The following HDAC4 variants were observed in gnomAD, a reference collection of about 807,000 sequenced individuals.
HDAC4 encodes the protein histone deacetylase A.
HDAC4 carries 16 observed loss-of-function variants against 135.1 expected under a neutral mutation model. The ratio of observed to expected loss-of-function variants is 0.12; its 90% confidence interval spans 0.08 to 0.18. HDAC4 has a LOEUF of 0.18. Among genes scored for constraint, HDAC4 ranks in the 10% least tolerant of loss-of-function variants. The pLI is 1.00. For synonymous variants in HDAC4, 685 were observed against 653.4 expected, an observed-to-expected ratio of 1.05 and a Z score of -0.74; for missense variants, 1,143 against 1,511.8, an observed-to-expected ratio of 0.76 and a Z score of 4.05.
In HDAC4 at chr2:239,349,849, T is replaced by C. The variant is rs962911409; in HGVS notation, c.22+2829A>G. Among the ~76,000 whole-genome samples, 2 of 152,196 alleles carry C rather than the reference T, an allele frequency of 1.3e-5. No individual in the cohort carries two copies. The highest frequency in any genetic ancestry group is 4.8e-5 in the African/African-American group (2 of 41,444). On this transcript the variant is annotated intron_variant, in intron 2 of 26. Coordinates refer to ENST00000543185, the MANE Select transcript of HDAC4 (RefSeq NM_001378414.1). The surrounding 1 kb of genome is among the most constrained non-coding windows in gnomAD (Gnocchi z 5.7). ...CCCTGCACAGATGGAGAGCAGAGAA[T>C]GGGCTGGGCCAAGGGGCAGCCCTGC... is the stretch of plus-strand genomic sequence containing the variant.
At chr2:239,173,828 G>C (rs889571361) in intron 5 of HDAC4, among the ~76,000 whole-genome samples, 1 of 152,068 alleles carries the variant, frequency 6.6e-6, no homozygotes, top group Admixed American at 6.5e-5. Context: ...CAAAGTCAAT[G>C]GTCAAAAACT....
chr2:239,287,963 T>C (rs112259646), intron 2 of HDAC4, among the ~76,000 whole-genome samples: 4 of 151,732 alleles, frequency 2.6e-5, no homozygotes, highest in African/African-American at 9.7e-5. Flanking sequence ...AGTTAAAACA[T>C]CAAACCACCA....
At chr2:239,105,301 G>C (rs558169835) in intron 15 of HDAC4, among the ~76,000 whole-genome samples, 59 of 152,324 alleles carry the variant, frequency 3.9e-4, no homozygotes, top group Non-Finnish European at 7.2e-4. Context: ...CCTGGACACC[G>C]TGCCTGGAGG....
chr2:239,194,644 A>G (rs1202538686), intron 3 of HDAC4, among the ~76,000 whole-genome samples: 1 of 152,220 alleles, frequency 6.6e-6, no homozygotes, highest in Non-Finnish European at 1.5e-5. Flanking sequence ...CTGCTGCCCA[A>G]ATCTTCTGAA....
chr2:239,374,290 G>C (rs1339489160), intron 1 of HDAC4, among the ~76,000 whole-genome samples: 1 of 151,134 alleles, frequency 6.6e-6, no homozygotes, highest in African/African-American at 2.4e-5. Flanking sequence ...GAAAACACAG[G>C]TCAGAGGTGC....
chr2:239,054,221 G>A (rs2031401646), intron 25 of HDAC4, among the ~76,000 whole-genome samples: 1 of 152,126 alleles, frequency 6.6e-6, no homozygotes, highest in African/African-American at 2.4e-5. Flanking sequence ...AAGACAAGCT[G>A]GGCTTGCGAC....
At chr2:239,130,806 C>G (rs1007087763) in intron 11 of HDAC4, among the ~76,000 whole-genome samples, 1 of 152,228 alleles carries the variant, frequency 6.6e-6, no homozygotes, top group African/African-American at 2.4e-5. Context: ...GGGGCCCTGT[C>G]TCTCGGGTCC....
rs72990467 is a variant in HDAC4, at chr2:239,067,814, C to T, written c.2869+675G>A. Among the ~76,000 whole-genome samples, 1,019 of 152,324 alleles carry T rather than the reference C, an allele frequency of 6.7e-3. 6 individuals are homozygous for T. Among genetic ancestry groups the T allele is most frequent in the Non-Finnish European group, 0.011 (766 of 68,026 alleles). ...GCCGACAGGAGTGGGGAGGGCCATA[C>T]ACTGTGGACGCTGGGGCCTTGAGGG... is the stretch of plus-strand genomic sequence containing the variant. On this transcript the variant is annotated intron_variant, in intron 23 of 26. Coordinates refer to ENST00000543185, the MANE Select transcript of HDAC4 (RefSeq NM_001378414.1).
At chr2:239,241,319 C>T (rs906551750) in intron 2 of HDAC4, among the ~76,000 whole-genome samples, 1 of 152,198 alleles carries the variant, frequency 6.6e-6, no homozygotes, top group African/African-American at 2.4e-5. Flanking sequence ...CCTGGGAACA[C>T]CTAGTCCTGC....
In HDAC4 at chr2:239,134,609, C is replaced by G. The variant is rs1379093331; in HGVS notation, c.1013G>C (p.Gly338Ala). ...GTAGAGGGGAAGTGGAGCGGCCGAG[C>G]CTTCTCGTGCCACAAGTCTGTGCGC... Reference protein sequence around the residue: ...SLAHRLVAREGSAAPLPLYTS... With the variant: ...SLAHRLVAREASAAPLPLYTS... The change falls in exon 10 of 27, where the codon GGC (glycine) becomes GCC (alanine). Residue 338 changes from glycine to alanine, a missense_variant. Gly to Ala is a moderately conservative substitution (Grantham distance 60). Coordinates refer to ENST00000543185, the MANE Select transcript of HDAC4 (RefSeq NM_001378414.1). 3.1e-6 allele frequency: 5 copies of G among 1,614,102 alleles called. No homozygotes were observed.
chr2:239,162,140 A>C (rs1436197403), intron 6 of HDAC4: 12 of 456,592 alleles, frequency 2.6e-5, no homozygotes, highest in Non-Finnish European at 4.8e-5. Context: ...CCACTGCTCT[A>C]GTCCTCCAAC....
At chr2:239,363,053 T>G (rs574144309) in intron 1 of HDAC4, among the ~76,000 whole-genome samples, 1 of 152,274 alleles carries the variant, frequency 6.6e-6, no homozygotes, top group South Asian at 2.1e-4. Flanking sequence ...CAAGATAACA[T>G]TTATAATAGC....
rs1218513527 is a variant in HDAC4 at position 239,132,351 on chromosome 2, C to T, written c.1294+1894G>A. ...CACTACGCTGCACACGTGACACTGG[C>T]TCCGAGGCTCCCTGCCAGGGGGTTT... On this transcript the variant is annotated intron_variant, in intron 11 of 26. Coordinates refer to ENST00000543185, the MANE Select transcript of HDAC4 (RefSeq NM_001378414.1). Among the ~76,000 whole-genome samples the T allele has an allele frequency of 6.6e-5, 10 of 152,208 alleles. No individual in the cohort carries two copies. In the East Asian group the frequency reaches 1.7e-3, roughly 26 times the overall value.
chr2:239,273,729 C>T (rs10166651), intron 2 of HDAC4, among the ~76,000 whole-genome samples: 5,000 of 152,282 alleles, frequency 0.033, 304 homozygotes, highest in African/African-American at 0.11. Context: ...GCAGTGAGAG[C>T]TCTGCCGTGG....
chr2:239,051,911 A>C lies in HDAC4; in HGVS notation c.*1186T>G, dbSNP rs1466704256. ...AATATTTTATCAAGATTTCATAAGAATCAAGTAAGTTTCTTAGCTTGGAAT... is the reference window on the plus strand; with the variant it reads ...AATATTTTATCAAGATTTCATAAGACTCAAGTAAGTTTCTTAGCTTGGAAT... On this transcript the variant is annotated 3_prime_UTR_variant, in exon 27 of 27. Coordinates refer to ENST00000543185, the MANE Select transcript of HDAC4 (RefSeq NM_001378414.1). The C allele has an allele frequency of 1.3e-5, 2 of 151,444 alleles. No individual in the cohort carries two copies. The highest frequency in any genetic ancestry group is 2.9e-5 in the Non-Finnish European group (2 of 67,908). 9.4% of individuals were successfully genotyped at this position (151,444 alleles called of 1,614,324 possible). A position where few individuals can be genotyped will look rare whatever the true frequency, so the allele number is the denominator to read the frequency against.
At chr2:239,067,343 C>T (rs2033641403) in intron 23 of HDAC4, among the ~76,000 whole-genome samples, 2 of 152,184 alleles carry the variant, frequency 1.3e-5, no homozygotes. Context: ...ACCCACATCA[C>T]TCACCCCAGG....
chr2:239,373,185 C>T (rs1015619518), intron 1 of HDAC4, among the ~76,000 whole-genome samples: 1 of 152,182 alleles, frequency 6.6e-6, no homozygotes, highest in African/African-American at 2.4e-5. Context: ...TCTAAAGAGG[C>T]TGCAGCCGCG....
At chr2:239,129,649 G>A (rs1396438947) in intron 11 of HDAC4, among the ~76,000 whole-genome samples, 1 of 152,230 alleles carries the variant, frequency 6.6e-6, no homozygotes, top group Non-Finnish European at 1.5e-5. Flanking sequence ...CTGGACGGCT[G>A]TGTCCCTATG....
chr2:239,344,721 G>C (rs577945047), intron 2 of HDAC4, among the ~76,000 whole-genome samples: 12 of 152,308 alleles, frequency 7.9e-5, no homozygotes, highest in African/African-American at 2.6e-4. Flanking sequence ...CTGTGCGTCA[G>C]AAAACGTACA....
Sources: gnomAD v4.1 joint callset for allele counts (sites outside exome capture counted in the v4.1 genomes callset) on GRCh38, gnomAD v4.1.1 for gene constraint, Gnocchi (gnomAD v3.1) non-coding constraint, MANE v1.5 for transcripts, NCBI Gene and HGNC (gene_info 2026-07-23, HGNC 2026-07-21) for gene names.